The following PAN3 variants were observed in gnomAD, a reference collection of about 807,000 sequenced individuals.
PAN3 encodes the protein poly(A) specific ribonuclease subunit PAN3, also known as PAN2-PAN3 deadenylation complex subunit PAN3.
Under a neutral mutation model 96.2 loss-of-function variants are expected in PAN3, and 19 were observed. The ratio of observed to expected loss-of-function variants is 0.20; its 90% CI spans 0.14 to 0.29. The LOEUF is 0.29. PAN3 is among the 10% of genes least tolerant of loss of function. The pLI is 1.00. For missense variants in PAN3, 882 were observed against 1,108.1 expected, an observed-to-expected ratio of 0.80 and a Z score of 2.90; for synonymous variants, 433 against 406.6, an observed-to-expected ratio of 1.06 and a Z score of -0.78.
chr13:28,282,589 G>A (rs1868421681), intron 17 of PAN3, among the ~76,000 whole-genome samples: 1 of 152,034 alleles, frequency 6.6e-6, no homozygotes, highest in South Asian at 2.1e-4. Context: ...CCCTACACAC[G>A]TGCACGCACG....
chr13:28,287,971 T>C lies in PAN3; in HGVS notation c.2385-13T>C. 1 of 1,602,788 alleles carries C rather than the reference T, an allele frequency of 6.2e-7. No homozygotes were observed. The highest frequency in any genetic ancestry group is 8.5e-7 in the Non-Finnish European group (1 of 1,176,228). On this transcript the variant is annotated splice_polypyrimidine_tract_variant and intron_variant, in intron 17 of 18. Transcript: ENST00000380958. ...AGCATGAGTTACTGAGGTAAAATGT[T>C]CATTTCCCCCAGGTTTCAGAAGGAT... is the stretch of plus-strand genomic sequence containing the variant.
intron 4 of PAN3, among the ~76,000 whole-genome samples, chr13:28,183,372 TG>T (rs1350780444): frequency 7.2e-5 from 11 of 152,204 alleles, no homozygotes; most frequent in Admixed American, 7.2e-4. Flanking sequence ...TCTGGAAAAT[TG>T]TGGCGAGAAT....
chr13:28,139,391 G>C (rs1459748822), intron 1 of PAN3, among the ~76,000 whole-genome samples: 2 of 148,944 alleles, frequency 1.3e-5, no homozygotes, highest in African/African-American at 4.9e-5. Flanking sequence ...CGGAGTGTGA[G>C]AAAGGGGGTG....
At chr13:28,263,186 C>T (rs956055654) in intron 9 of PAN3, among the ~76,000 whole-genome samples, 8 of 152,134 alleles carry the variant, frequency 5.3e-5, no homozygotes, top group Admixed American at 4.6e-4. Flanking sequence ...TTTGAGTCTG[C>T]AGTAACTAAA....
At chr13:28,197,413 G>C in intron 5 of PAN3, 67 bp downstream of exon 5, 1 of 1,446,732 alleles carries the variant, frequency 6.9e-7, no homozygotes, top group Non-Finnish European at 9.3e-7. Context: ...TGTCTGTTTG[G>C]GGTGGTGGTT....
chr13:28,258,430 A>T (rs1215621067), intron 7 of PAN3, among the ~76,000 whole-genome samples: 1 of 152,224 alleles, frequency 6.6e-6, no homozygotes, highest in South Asian at 2.1e-4. Context: ...GGGTGGTGGG[A>T]TGAGTCCAGT....
chr13:28,186,781 G>A lies in PAN3; in HGVS notation c.690+8846G>A, dbSNP rs142894872. ...TTTGAAGCTGCAATGAGCTGTGATC[G>A]GGCCACTGTGTTCCAGCCTGGACAA... is the stretch of plus-strand genomic sequence containing the variant. On this transcript the variant is annotated intron_variant, in intron 4 of 18. Transcript: ENST00000380958. Among the ~76,000 whole-genome samples, 1,469 of 152,098 alleles carry A rather than the reference G, an allele frequency of 9.7e-3. 10 individuals carry two copies. The highest frequency in any genetic ancestry group is 0.024 in the Middle Eastern group (7 of 294).
intron 13 of PAN3, among the ~76,000 whole-genome samples, chr13:28,271,071 TG>T (rs1376888999): frequency 1.1e-4 from 16 of 152,204 alleles, no homozygotes; most frequent in Middle Eastern, 3.4e-3. Context: ...CCAAAAATCT[TG>T]GGAAAGGTTA....
intron 4 of PAN3, among the ~76,000 whole-genome samples, chr13:28,195,279 T>G (rs1286692148): frequency 6.6e-6 from 1 of 152,040 alleles, no homozygotes; most frequent in Non-Finnish European, 1.5e-5. Flanking sequence ...GGCACATGCC[T>G]GTAGTCCCAG....
chr13:28,252,940 A>G (rs1884855297), intron 6 of PAN3, among the ~76,000 whole-genome samples: 1 of 152,148 alleles, frequency 6.6e-6, no homozygotes, highest in East Asian at 1.9e-4. Flanking sequence ...TCCAGTAACC[A>G]TTGGTAGCCC....
Position 28,203,178 on chromosome 13 carries a change from C to T in PAN3, c.852+5832C>T, listed in dbSNP as rs541567881. On this transcript the variant is annotated intron_variant, in intron 5 of 18. Transcript: ENST00000380958. ...GTTTCACCGTGTTGCCCAGGCTGTT[C>T]TTGAACTCCTGGCCTCCCAAAGTGC... Among the ~76,000 whole-genome samples the T allele has an allele frequency of 2.6e-5, 4 of 151,874 alleles. No homozygotes were observed. The East Asian group carries it at 7.8e-4, about 30-fold the overall frequency.
chr13:28,288,459 G>A (rs578141410), intron 18 of PAN3, among the ~76,000 whole-genome samples: 14 of 151,774 alleles, frequency 9.2e-5, no homozygotes, highest in Admixed American at 3.3e-4. Flanking sequence ...ATCACCATGC[G>A]CAGCTAATCT....
At chr13:28,282,352 T>C in intron 17 of PAN3, among the ~76,000 whole-genome samples, 1 of 151,712 alleles carries the variant, frequency 6.6e-6, no homozygotes, top group Non-Finnish European at 1.5e-5. Flanking sequence ...TTTTTTTTTT[T>C]ACCATGGAAT....
At position 28,292,465 on chromosome 13, in the gene PAN3, G is replaced by A. The variant is rs979489572; in HGVS notation, c.2607G>A (p.Lys869=). Residue 869 remains lysine, a synonymous_variant, in exon 19 of 19, where the codon AAG becomes AAA. Transcript: ENST00000380958. The part of the protein sequence containing the change: ...SVLVVTYSDL[K]RCFENTFQEL... ...TTGTGGTGACCTACAGTGACTTAAAGCGCTGCTTTGAAAATACTTTTCAAG... is the reference window on the plus strand; with the variant it reads ...TTGTGGTGACCTACAGTGACTTAAAACGCTGCTTTGAAAATACTTTTCAAG... 11 of 1,612,758 alleles carry A rather than the reference G, an allele frequency of 6.8e-6. No individual in the cohort carries two copies. Among genetic ancestry groups the A allele is most frequent in the Non-Finnish European group, 8.5e-6 (10 of 1,179,600 alleles).
rs1593453557 is a variant in PAN3, at chr13:28,197,087, C to A, written c.691-98C>A. 36 of 1,363,004 alleles carry A rather than the reference C, an allele frequency of 2.6e-5. No homozygotes were observed. The East Asian group carries it at 8.5e-4, about 32-fold the overall frequency. The allele number at this position is 1,363,004 out of a possible 1,614,324, so 84.4% of individuals were successfully genotyped here. On this transcript the variant is annotated intron_variant, in intron 4 of 18. Transcript: ENST00000380958. ...AGTGTTTTAGAAACTTGTTTCCTATCCCACCGTTCCCAGTATCCTGTATAT... is the reference window on the plus strand; with the variant it reads ...AGTGTTTTAGAAACTTGTTTCCTATACCACCGTTCCCAGTATCCTGTATAT...
At chr13:28,225,400 T>C (rs1881890238) in intron 6 of PAN3, among the ~76,000 whole-genome samples, 1 of 152,246 alleles carries the variant, frequency 6.6e-6, no homozygotes, top group African/African-American at 2.4e-5. Flanking sequence ...TGATTGATTA[T>C]CTCTATGGCA....
At chr13:28,223,827 A>G (rs1170092707) in intron 6 of PAN3, among the ~76,000 whole-genome samples, 1 of 150,090 alleles carries the variant, frequency 6.7e-6, no homozygotes, top group Non-Finnish European at 1.5e-5. Context: ...TGCTTAATAT[A>G]TGAAATAATA....
At chr13:28,253,447 C>T (rs534918155) in intron 6 of PAN3, among the ~76,000 whole-genome samples, 1 of 152,232 alleles carries the variant, frequency 6.6e-6, no homozygotes, top group Admixed American at 6.5e-5. Context: ...ACAGATGACA[C>T]AAAGCTGTGT....
intron 7 of PAN3, among the ~76,000 whole-genome samples, chr13:28,259,300 GT>G (rs199522105): frequency 1.3e-5 from 2 of 148,972 alleles, no homozygotes; most frequent in Non-Finnish European, 3.0e-5. Context: ...GCTAATTTGT[GT>G]TTTTTTTGTT....
Sources: gnomAD v4.1 joint callset for allele counts (sites outside exome capture counted in the v4.1 genomes callset) on GRCh38, gnomAD v4.1.1 for gene constraint, MANE v1.5 for transcripts, NCBI Gene and HGNC (gene_info 2026-07-23, HGNC 2026-07-21) for gene names.